The following CHKA variants were observed in gnomAD, a reference collection of about 807,000 sequenced individuals.
The protein encoded by CHKA is choline kinase alpha, also known as CHETK-alpha.
In CHKA, 34 loss-of-function variants were observed where a neutral mutation model predicts 60.1. The observed-to-expected ratio is 0.57, with a 90% CI of 0.43 to 0.75. CHKA has a LOEUF of 0.75. Ranked by LOEUF, CHKA falls within the 30% of genes least tolerant of loss-of-function variation. CHKA has a pLI of 0.00. For missense variants in CHKA, 563 were observed against 561.3 expected, an observed-to-expected ratio of 1.00 and a Z score of -0.03; for synonymous variants, 217 against 223.1, an observed-to-expected ratio of 0.97 and a Z score of 0.24.
intron 2 of CHKA, among the ~76,000 whole-genome samples, chr11:68,082,270 CT>C (rs1857011811): frequency 6.6e-6 from 1 of 151,828 alleles, no homozygotes. Context: ...ACCCCAAATG[CT>C]TTAAAATCCT....
At chr11:68,088,311 G>A (rs926305009) in intron 2 of CHKA, among the ~76,000 whole-genome samples, 4 of 151,952 alleles carry the variant, frequency 2.6e-5, no homozygotes, top group Non-Finnish European at 5.9e-5. Flanking sequence ...TGCATCATTC[G>A]GATTCAATTC....
In CHKA at chr11:68,070,300, A is replaced by C. The variant is rs1212609609; in HGVS notation, c.765-7T>G. 2.5e-6 allele frequency: 4 copies of C among 1,568,674 alleles called. No homozygotes were observed. The highest frequency in any genetic ancestry group is 3.5e-6 in the Non-Finnish European group (4 of 1,139,908). On this transcript the variant is annotated splice_region_variant and splice_polypyrimidine_tract_variant and intron_variant, in intron 5 of 11. Transcript: ENST00000265689. ...CAGCACTTCCTTTAGATACCTATTA[A>C]AAAATTTTCAAAAAAGAACAGAACA...
chr11:68,107,435 A>T (rs1857954676), intron 1 of CHKA, among the ~76,000 whole-genome samples: 2 of 151,882 alleles, frequency 1.3e-5, no homozygotes, highest in Admixed American at 1.3e-4. Flanking sequence ...CCTCTATTCA[A>T]AATAATTTCT....
intron 1 of CHKA, among the ~76,000 whole-genome samples, chr11:68,118,590 TC>T (rs1858485126): frequency 6.6e-6 from 1 of 152,212 alleles, no homozygotes; most frequent in Non-Finnish European, 1.5e-5. Flanking sequence ...TGCCCTTGTG[TC>T]TTTTTTAAAA....
chr11:68,081,477 A>G lies in CHKA; in HGVS notation c.463-20T>C. The G allele has an allele frequency of 6.2e-7, 1 of 1,604,274 alleles. No individual in the cohort carries two copies. Among genetic ancestry groups the G allele is most frequent in the Non-Finnish European group, 8.5e-7 (1 of 1,171,236 alleles). On this transcript the variant is annotated intron_variant, in intron 2 of 11. Coordinates refer to ENST00000265689, the MANE Select transcript of CHKA (RefSeq NM_001277.3). ...GGACCTCTATGAATGAGAAAAAGGA[A>G]ACACTTCTGGTGAGATGGGGAACAC...
Position 68,097,023 on chromosome 11 carries a change from T to C in CHKA, c.458A>G (p.Gln153Arg), listed in dbSNP as rs1488904754. Residue 153 changes from glutamine to arginine, a missense_variant, in exon 2 of 12, where the codon CAG becomes CGG. By Grantham distance (43) the Gln-to-Arg change is conservative. Coordinates refer to ENST00000265689, the MANE Select transcript of CHKA (RefSeq NM_001277.3). ...VLLRLYGAILQMRSCNKEGSE... is the reference protein window; with the variant it reads ...VLLRLYGAILRMRSCNKEGSE... ...CAAAGTAGCCTACCAACTCACCATC[T>C]GCAAAATCGCTCCATACAGCCGCAG... is the stretch of plus-strand genomic sequence containing the variant. 1.2e-6 allele frequency: 2 copies of C among 1,610,494 alleles called. No homozygotes were observed. Among genetic ancestry groups the C allele is most frequent in the South Asian group, 1.1e-5 (1 of 90,268 alleles).
intron 9 of CHKA, 130 bp from the exon 10 acceptor site, chr11:68,064,761 G>A (rs553963134): frequency 9.3e-5 from 57 of 609,682 alleles, no homozygotes; most frequent in Non-Finnish European, 1.2e-4. Flanking sequence ...CAGCATCTCC[G>A]ACATCCTGGG....
At chr11:68,080,906 G>A (rs1378189917) in intron 3 of CHKA, among the ~76,000 whole-genome samples, 1 of 152,196 alleles carries the variant, frequency 6.6e-6, no homozygotes, top group Non-Finnish European at 1.5e-5. Flanking sequence ...CAGAGAGTGG[G>A]GTCACATTCT....
chr11:68,074,572 C>A lies in CHKA; in HGVS notation c.630+145G>T, dbSNP rs982562827. ...GGATGTAAGTACAAAATAAATGTTG[C>A]TTTTCATGATTTCTGATACAGTTTA... On this transcript the variant is annotated intron_variant, in intron 4 of 11. Transcript: ENST00000265689. 4.3e-5 allele frequency: 30 copies of A among 691,706 alleles called. No individual in the cohort carries two copies. The African/African-American group carries it at 4.4e-4, about 10-fold the overall frequency. The allele number at this position is 691,706 out of a possible 1,614,324, so 42.8% of individuals were successfully genotyped here.
chr11:68,100,144 T>C (rs1238945898), intron 1 of CHKA, among the ~76,000 whole-genome samples: 1 of 152,168 alleles, frequency 6.6e-6, no homozygotes, highest in Non-Finnish European at 1.5e-5. Flanking sequence ...ATGCCAGAAA[T>C]GGTAGCAAAA....
At chr11:68,108,909 G>A (rs78148654) in intron 1 of CHKA, among the ~76,000 whole-genome samples, 9,280 of 152,078 alleles carry the variant, frequency 0.061, 367 homozygotes, top group Non-Finnish European at 0.093. Context: ...GCTCAGTGTG[G>A]ACAACTGTGA....
chr11:68,070,051 T>C (rs1856565048), intron 6 of CHKA, 138 bp downstream of exon 6: 3 of 699,096 alleles, frequency 4.3e-6, no homozygotes, highest in Non-Finnish European at 7.5e-6. Context: ...TAATTCCAGA[T>C]GACAAAACTT....
chr11:68,076,433 G>C (rs1367703515), intron 3 of CHKA, among the ~76,000 whole-genome samples: 2 of 152,098 alleles, frequency 1.3e-5, no homozygotes, highest in Non-Finnish European at 2.9e-5. Context: ...CTTACTCCAA[G>C]CCCAACATCA....
At chr11:68,089,910 T>A (rs2134633440) in intron 2 of CHKA, 1 of 152,268 alleles carries the variant, frequency 6.6e-6, no homozygotes, top group East Asian at 1.9e-4. Flanking sequence ...CACATACAGC[T>A]AAAGTGGTAC....
At chr11:68,077,189 G>A (rs1288045615) in intron 3 of CHKA, among the ~76,000 whole-genome samples, 2 of 151,732 alleles carry the variant, frequency 1.3e-5, no homozygotes, top group African/African-American at 2.4e-5. Context: ...GCAGTGAGCC[G>A]AGATCACACC....
At chr11:68,100,937 C>CT (rs758101816) in intron 1 of CHKA, among the ~76,000 whole-genome samples, 2,508 of 78,208 alleles carry the variant, frequency 0.032, 509 homozygotes, top group African/African-American at 0.07. Flanking sequence ...TAAAGAGGTT[C>CT]TTTTTTTTTT....
At chr11:68,062,858 C>T (rs1330392887) in intron 10 of CHKA, among the ~76,000 whole-genome samples, 1 of 152,112 alleles carries the variant, frequency 6.6e-6, no homozygotes, top group African/African-American at 2.4e-5. Flanking sequence ...TGTGACATCA[C>T]ACTTAGTGTT....
chr11:68,060,625 T>A (rs1242113173), intron 11 of CHKA, among the ~76,000 whole-genome samples: 2 of 152,266 alleles, frequency 1.3e-5, no homozygotes, highest in East Asian at 1.9e-4. Flanking sequence ...TCACCAACTT[T>A]AATCGTGAAT....
intron 11 of CHKA, among the ~76,000 whole-genome samples, chr11:68,060,590 C>T (rs1227832795): frequency 3.9e-5 from 6 of 152,192 alleles, no homozygotes; most frequent in African/African-American, 1.4e-4. Flanking sequence ...GGATTACAGG[C>T]GTGAGCCACT....
Sources: gnomAD v4.1 joint callset for allele counts (sites outside exome capture counted in the v4.1 genomes callset) on GRCh38, gnomAD v4.1.1 for gene constraint, MANE v1.5 for transcripts, NCBI Gene and HGNC (gene_info 2026-07-23, HGNC 2026-07-21) for gene names.